The following KCNAB1 variants were observed in gnomAD, a reference collection of about 807,000 sequenced individuals.
KCNAB1 encodes the protein voltage-gated potassium channel subunit beta-1.
KCNAB1 carries 35 observed loss-of-function variants against 64.6 expected under a neutral mutation model. That is an observed-to-expected ratio of 0.54 (90% CI 0.41 to 0.72). The LOEUF is 0.72. KCNAB1 is among the 30% of genes least tolerant of loss of function. The pLI is 0.00. For missense variants in KCNAB1, 401 were observed against 512.9 expected, an observed-to-expected ratio of 0.78 and a Z score of 2.11; for synonymous variants, 177 against 183.8, an observed-to-expected ratio of 0.96 and a Z score of 0.30.
chr3:156,174,163 A>G (rs1010814107), intron 1 of KCNAB1, among the ~76,000 whole-genome samples: 5 of 152,240 alleles, frequency 3.3e-5, no homozygotes, highest in African/African-American at 1.2e-4. Context: ...AGAGAACTCT[A>G]ATACATTCTA....
chr3:156,167,045 T>A (rs932551305), intron 1 of KCNAB1, among the ~76,000 whole-genome samples: 1 of 152,190 alleles, frequency 6.6e-6, no homozygotes, highest in African/African-American at 2.4e-5. Context: ...AGCACCCTAC[T>A]CTGGCTCCAA....
At chr3:156,335,829 G>A (rs1429203152) in intron 1 of KCNAB1, among the ~76,000 whole-genome samples, 2 of 148,688 alleles carry the variant, frequency 1.3e-5, no homozygotes, top group Non-Finnish European at 3.0e-5. Context: ...AACTGTCAAA[G>A]TGTGATTCTA....
chr3:156,298,316 G>A (rs1223341982), intron 1 of KCNAB1, among the ~76,000 whole-genome samples: 8 of 152,332 alleles, frequency 5.3e-5, no homozygotes, highest in Admixed American at 3.9e-4. Flanking sequence ...GCACGTGGAC[G>A]TGAAGGAGTC....
At position 156,508,678 on chromosome 3, in the gene KCNAB1, A is replaced by T. The variant is rs1247077317; in HGVS notation, c.659-5686A>T. The stretch of plus-strand genomic sequence containing the variant: ...CAAGTTATTCTACACCCATTATCCC[A>T]CGTCAAGCTTTGAAAGAATTTCACA... On this transcript the variant is annotated intron_variant, in intron 8 of 13. Transcript: ENST00000490337. This position sits in a 1 kb window ranked among gnomAD's most constrained non-coding sequence, Gnocchi z 4.1. Among the ~76,000 whole-genome samples, 1 of 152,178 alleles carries T rather than the reference A, an allele frequency of 6.6e-6. No homozygotes were observed. Among genetic ancestry groups the T allele is most frequent in the Non-Finnish European group, 1.5e-5 (1 of 68,034 alleles).
chr3:156,156,475 A>G (rs1184895261), intron 1 of KCNAB1, among the ~76,000 whole-genome samples: 3 of 152,236 alleles, frequency 2.0e-5, no homozygotes, highest in Non-Finnish European at 4.4e-5. Context: ...ATAATTGCCC[A>G]GGAAGGAGGT....
At chr3:156,485,682 A>C (rs1715155139) in intron 8 of KCNAB1, among the ~76,000 whole-genome samples, 1 of 151,942 alleles carries the variant, frequency 6.6e-6, no homozygotes, top group East Asian at 1.9e-4. Context: ...CTTCTAGTGA[A>C]CTGATCACCC....
intron 1 of KCNAB1, among the ~76,000 whole-genome samples, chr3:156,354,116 GTGTGTATATATATATATATATATATA>G (rs1283256738): frequency 1.1e-4 from 11 of 103,978 alleles, no homozygotes; most frequent in East Asian, 6.7e-4. Context: ...ATATATGTGT[GTGTGTATATATATATATATATATATA>G]TGTGTATATA....
chr3:156,372,839 G>T (rs1451190149), intron 1 of KCNAB1, among the ~76,000 whole-genome samples: 2 of 152,216 alleles, frequency 1.3e-5, no homozygotes, highest in Non-Finnish European at 2.9e-5. Context: ...AGGATAGTTT[G>T]TGAATGCTTG....
At chr3:156,533,145 A>G (rs1185391512) in intron 13 of KCNAB1, among the ~76,000 whole-genome samples, 2 of 152,352 alleles carry the variant, frequency 1.3e-5, no homozygotes, top group East Asian at 1.9e-4. Context: ...ACAGATAAAT[A>G]GCAAAATGAT....
intron 1 of KCNAB1, among the ~76,000 whole-genome samples, chr3:156,310,575 G>C (rs1158117438): frequency 1.3e-5 from 2 of 152,118 alleles, no homozygotes; most frequent in South Asian, 2.1e-4. Context: ...AGGCCAAGGG[G>C]GGCAGATCAC....
At chr3:156,482,291 C>G (rs1001907719) in intron 8 of KCNAB1, among the ~76,000 whole-genome samples, 7 of 151,788 alleles carry the variant, frequency 4.6e-5, no homozygotes, top group Non-Finnish European at 1.0e-4. Flanking sequence ...ATAGGATTAA[C>G]TCATTCATTC....
intron 1 of KCNAB1, among the ~76,000 whole-genome samples, chr3:156,359,215 A>G (rs750441024): frequency 1.3e-5 from 2 of 152,200 alleles, no homozygotes; most frequent in East Asian, 1.9e-4. Context: ...AAGAAAAAAC[A>G]TGATTTTTTC....
At chr3:156,232,891 TTTTC>T (rs1236660314) in intron 1 of KCNAB1, among the ~76,000 whole-genome samples, 4 of 152,008 alleles carry the variant, frequency 2.6e-5, no homozygotes, top group African/African-American at 9.7e-5. Context: ...GTAGAGAAAG[TTTTC>T]TTTCATTTTT....
In KCNAB1 at chr3:156,337,046, T is replaced by C. The variant is rs777411966; in HGVS notation, c.276-84570T>C. 5.9e-5 allele frequency among the ~76,000 whole-genome samples: 9 copies of C among 152,222 alleles called. No individual in the cohort carries two copies. In the South Asian group the frequency reaches 1.9e-3, roughly 32 times the overall value. On this transcript the variant is annotated intron_variant, in intron 1 of 13. Coordinates refer to ENST00000490337, the MANE Select transcript of KCNAB1 (RefSeq NM_172160.3). ...ATAAGTGACTGCGATTATTGTTACCTTATTATCCCAACTTTTTGCCTTTGC... is the reference window on the plus strand; with the variant it reads ...ATAAGTGACTGCGATTATTGTTACCCTATTATCCCAACTTTTTGCCTTTGC...
At chr3:156,510,512 G>C (rs1440965187) in intron 8 of KCNAB1, among the ~76,000 whole-genome samples, 1 of 152,100 alleles carries the variant, frequency 6.6e-6, no homozygotes, top group Non-Finnish European at 1.5e-5. Flanking sequence ...TGGCACACAG[G>C]CTTACTCTTA....
At chr3:156,383,738 G>A (rs749191676) in intron 1 of KCNAB1, among the ~76,000 whole-genome samples, 1 of 152,220 alleles carries the variant, frequency 6.6e-6, no homozygotes, top group Non-Finnish European at 1.5e-5. Flanking sequence ...GAGGTTTACA[G>A]ATTTCAATAT....
At chr3:156,409,220 TA>T (rs1714468663) in intron 1 of KCNAB1, among the ~76,000 whole-genome samples, 1 of 152,236 alleles carries the variant, frequency 6.6e-6, no homozygotes, top group Non-Finnish European at 1.5e-5. Context: ...TTCTGTCATC[TA>T]AATCTTGCTT....
At chr3:156,313,501 C>G (rs577510502) in intron 1 of KCNAB1, among the ~76,000 whole-genome samples, 3 of 152,164 alleles carry the variant, frequency 2.0e-5, no homozygotes, top group Non-Finnish European at 4.4e-5. Context: ...AAGAGCCAGA[C>G]AGAAGGCGAT....
At chr3:156,182,321 A>G (rs1302303204) in intron 1 of KCNAB1, among the ~76,000 whole-genome samples, 1 of 152,158 alleles carries the variant, frequency 6.6e-6, no homozygotes, top group African/African-American at 2.4e-5. Context: ...TTATTTTATG[A>G]AGAAGAGATC....
Sources: gnomAD v4.1 joint callset for allele counts (sites outside exome capture counted in the v4.1 genomes callset) on GRCh38, gnomAD v4.1.1 for gene constraint, Gnocchi (gnomAD v3.1) non-coding constraint, MANE v1.5 for transcripts, NCBI Gene and HGNC (gene_info 2026-07-23, HGNC 2026-07-21) for gene names.